EYS: variants seen among roughly 807,000 people sequenced by gnomAD.
The protein encoded by EYS is EGF-like photoreceptor maintenance factor.
Under a neutral mutation model 282.1 loss-of-function variants are expected in EYS, and 250 were observed. That is an observed-to-expected ratio of 0.89 (90% CI 0.80 to 0.98). The LOEUF is 0.98. Ranked by LOEUF, EYS falls within the 50% of genes least tolerant of loss-of-function variation. The probability of loss-of-function intolerance (pLI) is 0.00; values close to 1 mark genes in which losing one functional copy is unlikely to be tolerated. For synonymous variants in EYS, 1,355 were observed against 1,282.9 expected (o/e 1.06, Z -1.20); for missense variants, 4,016 against 3,709.0 (o/e 1.08, Z -2.15).
At chr6:64,186,224 G>T (rs1163926362) in intron 31 of EYS, among the ~76,000 whole-genome samples, 1 of 149,008 alleles carries the variant, frequency 6.7e-6, no homozygotes, top group African/African-American at 2.5e-5. Flanking sequence ...ATGATTGTGG[G>T]TATACAGGCT....
chr6:64,029,004 A>G (rs1582162756), intron 33 of EYS, among the ~76,000 whole-genome samples: 1 of 152,264 alleles, frequency 6.6e-6, no homozygotes, highest in Non-Finnish European at 1.5e-5. Context: ...GTTCCTTGGA[A>G]TTACTGGCTT....
chr6:64,733,828 C>T (rs1772065230), intron 22 of EYS: 1 of 162,602 alleles, frequency 6.1e-6, no homozygotes. Context: ...GCAACAATCA[C>T]TGTGGCCTTC....
intron 8 of EYS, among the ~76,000 whole-genome samples, chr6:65,361,600 C>T (rs1328314942): frequency 1.3e-5 from 2 of 151,952 alleles, no homozygotes; most frequent in Non-Finnish European, 2.9e-5. Context: ...CTGCCCATGT[C>T]AGCCTCCTGA....
intron 14 of EYS, among the ~76,000 whole-genome samples, chr6:64,967,328 ATT>A (rs573625686): frequency 2.8e-5 from 4 of 143,258 alleles, no homozygotes; most frequent in African/African-American, 5.1e-5. Flanking sequence ...TCAAAACTCC[ATT>A]TTTTTTTTTT....
chr6:65,472,304 T>A (rs1321405440), intron 5 of EYS, among the ~76,000 whole-genome samples: 6 of 152,058 alleles, frequency 3.9e-5, no homozygotes, highest in Non-Finnish European at 7.4e-5. Context: ...TATGGGTATG[T>A]TTGGCAGATC....
chr6:64,318,469 T>A (rs934736496), intron 29 of EYS, among the ~76,000 whole-genome samples: 5 of 151,988 alleles, frequency 3.3e-5, no homozygotes, highest in African/African-American at 1.2e-4. Flanking sequence ...ATATTCCAGA[T>A]TTACAACTCA....
In EYS at chr6:65,301,529, G is replaced by A. The variant is rs1401649408; in HGVS notation, c.1767-5410C>T. Among the ~76,000 whole-genome samples, 45 of 152,292 alleles carry A rather than the reference G, an allele frequency of 3.0e-4. 1 individual carries two copies. The highest frequency in any genetic ancestry group is 3.9e-4 in the East Asian group (2 of 5,158). ...TGCTGGGAGGACGACGGACGGCAGC[G>A]GCCAAGCGAGAAGAAAGACGTGGCA... On this transcript the variant is annotated intron_variant, in intron 11 of 42. Transcript: ENST00000503581.
At chr6:63,887,322 T>G (rs930837266) in intron 35 of EYS, among the ~76,000 whole-genome samples, 5 of 150,272 alleles carry the variant, frequency 3.3e-5, no homozygotes, top group African/African-American at 7.4e-5. Flanking sequence ...GTGTTTTTTT[T>G]TTTTTTTTTT....
At chr6:64,581,868 A>C (rs1766081590) in intron 26 of EYS, among the ~76,000 whole-genome samples, 1 of 152,146 alleles carries the variant, frequency 6.6e-6, no homozygotes, top group African/African-American at 2.4e-5. Context: ...ATAGGGCGCC[A>C]TCAGAGTGGT....
intron 33 of EYS, among the ~76,000 whole-genome samples, chr6:64,052,706 G>A (rs1264756758): frequency 1.3e-5 from 2 of 152,142 alleles, no homozygotes; most frequent in Non-Finnish European, 2.9e-5. Flanking sequence ...GGGACCAGGT[G>A]GAGGTAATTG....
intron 34 of EYS, among the ~76,000 whole-genome samples, chr6:63,996,500 A>G (rs1246053889): frequency 2.0e-5 from 3 of 152,134 alleles, no homozygotes; most frequent in Non-Finnish European, 4.4e-5. Flanking sequence ...AACATCATAA[A>G]TCACGTTCAG....
At chr6:64,328,800 TGTG>T (rs1312409510) in intron 29 of EYS, among the ~76,000 whole-genome samples, 1 of 152,096 alleles carries the variant, frequency 6.6e-6, no homozygotes, top group Non-Finnish European at 1.5e-5. Flanking sequence ...TGTGAGAAGA[TGTG>T]GTTGTGGTCA....
At chr6:65,298,987 G>A (rs2150288349) in intron 11 of EYS, among the ~76,000 whole-genome samples, 2 of 152,154 alleles carry the variant, frequency 1.3e-5, no homozygotes, top group Non-Finnish European at 2.9e-5. Flanking sequence ...AAATATATCA[G>A]TGGATTCTAT....
intron 19 of EYS, among the ~76,000 whole-genome samples, chr6:64,840,986 T>C (rs1018064): frequency 0.56 from 84,542 of 151,782 alleles, 24,259 homozygotes; most frequent in Non-Finnish European, 0.62. Context: ...CAGCATTGAT[T>C]AAGACCATTG....
At position 65,629,282 on chromosome 6, in the gene EYS, G is replaced by C. The variant is rs932792225; in HGVS notation, c.-333+10496C>G. 3.9e-5 allele frequency among the ~76,000 whole-genome samples: 6 copies of C among 152,230 alleles called. No homozygotes were observed. In the East Asian group the frequency reaches 1.2e-3, roughly 29 times the overall value. ...CAGAAGTTATGACACACACACAAAA[G>C]ACTTGAATCTTTAAGGGGGTTATTC... On this transcript the variant is annotated intron_variant, in intron 2 of 42. Transcript: ENST00000503581.
At chr6:64,220,900 A>AT (rs1443410152) in intron 31 of EYS, among the ~76,000 whole-genome samples, 2 of 152,042 alleles carry the variant, frequency 1.3e-5, no homozygotes, top group African/African-American at 4.8e-5. Context: ...TCTCTCCTCC[A>AT]TTTTTTCTCT....
chr6:65,228,754 T>A (rs1414741830), intron 12 of EYS, among the ~76,000 whole-genome samples: 2 of 152,060 alleles, frequency 1.3e-5, no homozygotes, highest in Non-Finnish European at 2.9e-5. Flanking sequence ...CTCTCTGACT[T>A]CGAGACTTGT....
At chr6:63,994,827 A>C (rs77923559) in intron 34 of EYS, among the ~76,000 whole-genome samples, 6,208 of 152,070 alleles carry the variant, frequency 0.041, 384 homozygotes, top group African/African-American at 0.14. Context: ...GGATTTTGAA[A>C]ATTGAAAAAA....
chr6:64,298,125 CTG>C (rs1769104837), intron 30 of EYS, among the ~76,000 whole-genome samples: 1 of 151,900 alleles, frequency 6.6e-6, no homozygotes, highest in Non-Finnish European at 1.5e-5. Context: ...TAGACAGTAA[CTG>C]TATGTTGAAT....
Sources: gnomAD v4.1 joint callset for allele counts (sites outside exome capture counted in the v4.1 genomes callset) on GRCh38, gnomAD v4.1.1 for gene constraint, MANE v1.5 for transcripts, NCBI Gene and HGNC (gene_info 2026-07-23, HGNC 2026-07-21) for gene names.